The following OC90 variants were observed in gnomAD, a reference collection of about 807,000 sequenced individuals.
The protein encoded by OC90 is otoconin 90, also known as otoconin-90.
A neutral mutation model predicts 47.3 loss-of-function variants in OC90; 46 were observed. The ratio of observed to expected loss-of-function variants is 0.97; its 90% CI spans 0.77 to 1.24. The LOEUF (loss-of-function observed/expected upper bound fraction) is 1.24, where lower values mean the gene tolerates loss of function less well. Among genes scored for constraint, OC90 ranks in the 50% most tolerant of loss-of-function variants. The pLI, the probability that OC90 is intolerant of heterozygous loss-of-function variation, is 0.00. For missense variants in OC90, 688 were observed against 583.9 expected (o/e 1.18, Z -1.84); for synonymous variants, 271 against 219.5 (o/e 1.23, Z -2.07).
chr8:132,029,197 C>T lies in OC90; in HGVS notation c.1032-18G>A. On this transcript the variant is annotated intron_variant, in intron 12 of 13. Coordinates refer to ENST00000254627, the MANE Select transcript of OC90 (RefSeq NM_001080399.3). ...AGCAGCACCTAAGACCAAGGAAAAC[C>T]CTTTACTTCTCAGAGCTCCTGGCTT... 1.3e-6 allele frequency: 2 copies of T among 1,591,416 alleles called. No homozygotes were observed. Among genetic ancestry groups the T allele is most frequent in the Non-Finnish European group, 1.7e-6 (2 of 1,159,368 alleles).
chr8:132,054,647 C>T (rs1266187928), intron 2 of OC90, among the ~76,000 whole-genome samples: 2 of 152,188 alleles, frequency 1.3e-5, no homozygotes, highest in African/African-American at 2.4e-5. Context: ...TGCACGTAAA[C>T]TTTCTATGAC....
chr8:132,034,964 C>T (rs532137496), intron 9 of OC90, 130 bp from the exon 10 acceptor site: 2 of 638,938 alleles, frequency 3.1e-6, no homozygotes, highest in South Asian at 2.1e-5. Context: ...GCCCACTTCC[C>T]ACCATGAGAT....
intron 2 of OC90, among the ~76,000 whole-genome samples, chr8:132,048,074 C>CGA (rs1259952575): frequency 2.0e-5 from 3 of 152,152 alleles, no homozygotes; most frequent in Non-Finnish European, 4.4e-5. Flanking sequence ...GAAGATAAAA[C>CGA]GAGAAGGCCC....
Position 132,055,010 on chromosome 8 carries a change from A to T in OC90, c.17T>A (p.Leu6His). 2 of 1,551,506 alleles carry T rather than the reference A, an allele frequency of 1.3e-6. No homozygotes were observed. Among genetic ancestry groups the T allele is most frequent in the Middle Eastern group, 3.3e-4 (2 of 5,994 alleles). ...ATGGGGGATCATCAGCACACTGGTG[A>T]GGAGAAACGCAATCATAGCAGGAGA... MIAFL[L>H]TSVLMIPHAG... Residue 6 changes from leucine (L) to histidine (H), a missense_variant, in exon 2 of 14, where the codon CTC becomes CAC. Transcript: ENST00000254627.
In OC90 at chr8:132,037,419, C is replaced by T. The variant is rs1325648686; in HGVS notation, c.679+19G>A. The stretch of plus-strand genomic sequence containing the variant: ...TCATTGTGTGTCTTTGGGTTCCACA[C>T]TAGCCCCTTCTGGCTCACCTTCTCC... On this transcript the variant is annotated intron_variant, in intron 9 of 13. Coordinates refer to ENST00000254627, the MANE Select transcript of OC90 (RefSeq NM_001080399.3). The T allele has an allele frequency of 1.3e-6, 2 of 1,572,628 alleles. No homozygotes were observed. The highest frequency in any genetic ancestry group is 1.8e-5 in the Admixed American group (1 of 54,354).
chr8:132,041,568 A>T lies in OC90; in HGVS notation c.301T>A (p.Cys101Ser), dbSNP rs1361741517. Residue 101 changes from cysteine (C) to serine (S), a missense_variant, in exon 5 of 14, where the codon TGC (cysteine) becomes AGC (serine). Transcript: ENST00000254627. Reference sequence around the variant, plus strand: ...GGCAACCCTTCCATCTCAAACCTGCAGGTGCAACCATAGTCTTCAAAGTCT... The same window carrying T: ...GGCAACCCTTCCATCTCAAACCTGCTGGTGCAACCATAGTCTTCAAAGTCT... ...PRDFEDYGCTCRFEMEGLPVD... is the reference protein window; with the variant it reads ...PRDFEDYGCTSRFEMEGLPVD... 1.2e-6 allele frequency: 2 copies of T among 1,613,154 alleles called. No homozygotes were observed.
At chr8:132,041,418 G>T in intron 5 of OC90, 107 bp downstream of exon 5, 1 of 988,758 alleles carries the variant, frequency 1.0e-6, no homozygotes, top group Non-Finnish European at 1.5e-6. Context: ...CCTCTCCTGA[G>T]TCCCAAGTCC....
chr8:132,055,840 A>C (rs1823273560), intron 1 of OC90, among the ~76,000 whole-genome samples: 1 of 152,140 alleles, frequency 6.6e-6, no homozygotes, highest in Non-Finnish European at 1.5e-5. Flanking sequence ...AGATCAGCAA[A>C]TATTTAACTT....
intron 2 of OC90, among the ~76,000 whole-genome samples, chr8:132,049,117 TAAG>T (rs10567200): frequency 0.051 from 7,731 of 151,694 alleles, 812 homozygotes; most frequent in African/African-American, 0.16. Context: ...ACAGTGAACA[TAAG>T]AAGCTGTTAA....
intron 2 of OC90, among the ~76,000 whole-genome samples, chr8:132,049,597 GC>G (rs1823186116): frequency 6.6e-6 from 1 of 152,196 alleles, no homozygotes; most frequent in South Asian, 2.1e-4. Flanking sequence ...AAGTGTGTCT[GC>G]TTTAAAGCAG....
chr8:132,054,233 C>T (rs770564269), intron 2 of OC90, among the ~76,000 whole-genome samples: 4 of 152,200 alleles, frequency 2.6e-5, no homozygotes, highest in Admixed American at 2.0e-4. Context: ...GCACACAGGA[C>T]TCCTCCGGCT....
chr8:132,033,264 T>G (rs1563729351), intron 10 of OC90, 100 bp from the exon 11 acceptor site: 1 of 1,191,018 alleles, frequency 8.4e-7, no homozygotes, highest in Non-Finnish European at 1.2e-6. Flanking sequence ...TAGAACAACA[T>G]AGTGTTAGGA....
At chr8:132,028,571 G>A (rs28583832) in intron 13 of OC90, among the ~76,000 whole-genome samples, 383 of 15,922 alleles carry the variant, frequency 0.024, 2 homozygotes, top group African/African-American at 0.052. Flanking sequence ...AGAAAGGAAG[G>A]AAGGAAGGAA....
At chr8:132,027,544 C>A (rs960408521) in intron 13 of OC90, among the ~76,000 whole-genome samples, 1 of 152,186 alleles carries the variant, frequency 6.6e-6, no homozygotes, top group Non-Finnish European at 1.5e-5. Flanking sequence ...AATTCTAGGG[C>A]AAGTCTTTCC....
intron 4 of OC90, among the ~76,000 whole-genome samples, chr8:132,042,755 A>C (rs1823072991): frequency 6.6e-6 from 1 of 152,240 alleles, no homozygotes; most frequent in Non-Finnish European, 1.5e-5. Context: ...ATTATTAAAA[A>C]ATCAAAAAAC....
intron 12 of OC90, among the ~76,000 whole-genome samples, chr8:132,030,127 C>A (rs1390049649): frequency 6.6e-6 from 1 of 152,144 alleles, no homozygotes; most frequent in East Asian, 1.9e-4. Context: ...ACAAAAGAGA[C>A]ACACAATCTT....
chr8:132,037,558 A>C, intron 8 of OC90, 70 bp from the exon 9 acceptor site: 1 of 1,396,064 alleles, frequency 7.2e-7, no homozygotes, highest in Non-Finnish European at 1.0e-6. Context: ...CAGGGTCTCA[A>C]AGGAAAACAG....
chr8:132,053,523 TA>T (rs1161951063), intron 2 of OC90, among the ~76,000 whole-genome samples: 2 of 152,184 alleles, frequency 1.3e-5, no homozygotes, highest in Non-Finnish European at 2.9e-5. Flanking sequence ...CATCTTTAGA[TA>T]GTGGAATGAT....
chr8:132,034,804 GCTCCCA>G lies in OC90; in HGVS notation c.704_709del (p.Val235_Gly236del). 6.2e-7 allele frequency: 1 copy of G among 1,612,620 alleles called. No homozygotes were observed. The highest frequency in any genetic ancestry group is 1.1e-5 in the South Asian group (1 of 90,852). ...ACCTGGAGGGGACGTAGCCCTAGCA[GCTCCCA>G]CTCCTTCCTGATCGTGGCCTGCTTC... On this transcript the variant is annotated inframe_deletion, in exon 10 of 14. Transcript: ENST00000254627.
Sources: gnomAD v4.1 joint callset for allele counts (sites outside exome capture counted in the v4.1 genomes callset) on GRCh38, gnomAD v4.1.1 for gene constraint, MANE v1.5 for transcripts, NCBI Gene and HGNC (gene_info 2026-07-23, HGNC 2026-07-21) for gene names.